PARVA: variants seen among roughly 807,000 people sequenced by gnomAD.
PARVA encodes parvin alpha, also known as alpha-parvin.
PARVA carries 25 observed loss-of-function variants against 52.6 expected under a neutral mutation model. The ratio of observed to expected loss-of-function variants is 0.48; its 90% confidence interval spans 0.35 to 0.66. PARVA has a LOEUF of 0.66. Among genes scored for constraint, PARVA ranks in the 30% least tolerant of loss-of-function variants. The probability of loss-of-function intolerance (pLI) is 0.01; values close to 1 mark genes in which losing one functional copy is unlikely to be tolerated. For missense variants in PARVA, 373 were observed against 450.9 expected, an observed-to-expected ratio of 0.83 and a Z score of 1.56; for synonymous variants, 185 against 179.1, an observed-to-expected ratio of 1.03 and a Z score of -0.26.
chr11:12,488,917 A>G (rs1941196641), intron 4 of PARVA, among the ~76,000 whole-genome samples: 1 of 152,224 alleles, frequency 6.6e-6, no homozygotes, highest in Admixed American at 6.5e-5. Context: ...ATTCCAAGGA[A>G]TATGACCTCA....
intron 1 of PARVA, among the ~76,000 whole-genome samples, chr11:12,380,038 G>A (rs986565499): frequency 6.6e-6 from 1 of 152,092 alleles, no homozygotes; most frequent in Admixed American, 6.5e-5. Flanking sequence ...AGTCTGGGGT[G>A]GCCTTTTATT....
intron 1 of PARVA, among the ~76,000 whole-genome samples, chr11:12,462,818 A>T (rs1940801293): frequency 6.6e-6 from 1 of 152,154 alleles, no homozygotes. Flanking sequence ...CTAAGTTAGG[A>T]GGAAGCTCTG....
chr11:12,388,515 C>T (rs1939611459), intron 1 of PARVA, among the ~76,000 whole-genome samples: 1 of 152,132 alleles, frequency 6.6e-6, no homozygotes, highest in Non-Finnish European at 1.5e-5. Context: ...GAAGAATGAA[C>T]CAAATCACTT....
intron 1 of PARVA, among the ~76,000 whole-genome samples, chr11:12,401,089 G>A (rs940257729): frequency 2.6e-5 from 4 of 152,168 alleles, no homozygotes; most frequent in African/African-American, 7.2e-5. Flanking sequence ...GTGCCACTGC[G>A]GCATGTAGTG....
chr11:12,438,275 A>G (rs1940416657), intron 1 of PARVA, among the ~76,000 whole-genome samples: 1 of 151,884 alleles, frequency 6.6e-6, no homozygotes, highest in Admixed American at 6.6e-5. Flanking sequence ...AAAAAAAAAA[A>G]AGAATACCAT....
At chr11:12,475,192 A>G (rs1050946913) in intron 3 of PARVA, among the ~76,000 whole-genome samples, 3 of 152,184 alleles carry the variant, frequency 2.0e-5, no homozygotes, top group Non-Finnish European at 4.4e-5. Flanking sequence ...GCGTGCTCCC[A>G]GCGCTCCCCA....
At chr11:12,446,084 A>T (rs546176783) in intron 1 of PARVA, among the ~76,000 whole-genome samples, 22 of 152,316 alleles carry the variant, frequency 1.4e-4, no homozygotes, top group Admixed American at 2.6e-4. Context: ...AAATCAACAA[A>T]ACAAAAAGGT....
intron 1 of PARVA, among the ~76,000 whole-genome samples, chr11:12,445,341 T>TG (rs1940529855): frequency 6.6e-6 from 1 of 152,084 alleles, no homozygotes; most frequent in African/African-American, 2.4e-5. Flanking sequence ...GAAAGTGGTG[T>TG]GGGGAGGGCC....
In PARVA at chr11:12,496,788, A is replaced by G. The variant is rs559598342; in HGVS notation, c.541+190A>G. 6.6e-5 allele frequency among the ~76,000 whole-genome samples: 10 copies of G among 152,340 alleles called. No individual in the cohort carries two copies. The South Asian group carries it at 2.1e-3, about 32-fold the overall frequency. On this transcript the variant is annotated intron_variant, in intron 5 of 12. Coordinates refer to ENST00000334956, the MANE Select transcript of PARVA (RefSeq NM_018222.5). ...CCATCCATACCCTTGGGGAAAAATA[A>G]CAGAATGTCAAAATCTCACGTTCCT...
intron 1 of PARVA, among the ~76,000 whole-genome samples, chr11:12,398,556 A>G (rs2134962482): frequency 6.7e-6 from 1 of 149,692 alleles, no homozygotes; most frequent in East Asian, 2.1e-4. Context: ...TTCACAGTCT[A>G]GCCTCTAGGG....
At chr11:12,391,285 G>T (rs1478034390) in intron 1 of PARVA, among the ~76,000 whole-genome samples, 2 of 152,180 alleles carry the variant, frequency 1.3e-5, no homozygotes, top group East Asian at 3.9e-4. Context: ...GTTCGGAATT[G>T]CTTAAATTGG....
intron 12 of PARVA, among the ~76,000 whole-genome samples, chr11:12,523,244 T>C (rs990439175): frequency 2.6e-5 from 4 of 151,950 alleles, no homozygotes; most frequent in African/African-American, 9.7e-5. Context: ...AGAGAGCAGG[T>C]AGAGATGCGA....
At chr11:12,376,698 C>G (rs547559720), upstream of PARVA, 14 of 982,542 alleles carry the variant, frequency 1.4e-5, no homozygotes, top group East Asian at 1.4e-3. Flanking sequence ...GAGAGACAGA[C>G]AGAAGGACAA....
At position 12,416,101 on chromosome 11, in the gene PARVA, G is replaced by A. The variant is rs544430344; in HGVS notation, c.136+38318G>A. On this transcript the variant is annotated intron_variant, in intron 1 of 12. Transcript: ENST00000334956. ...GAGGTTGAAAGTGGAATGATTGAGG[G>A]GGAATTTTCCCCCTTGGTGAAACTG... Among the ~76,000 whole-genome samples the A allele has an allele frequency of 7.9e-4, 121 of 152,272 alleles. 1 individual carries two copies. The highest frequency in any genetic ancestry group is 1.5e-3 in the Non-Finnish European group (105 of 68,018).
chr11:12,454,067 T>TG (rs1364489462), intron 1 of PARVA, among the ~76,000 whole-genome samples: 3 of 152,086 alleles, frequency 2.0e-5, no homozygotes, highest in Admixed American at 6.5e-5. Flanking sequence ...GACAGTAACT[T>TG]GGGGGGAAAA....
intron 4 of PARVA, among the ~76,000 whole-genome samples, chr11:12,490,522 A>C (rs1941222085): frequency 7.4e-6 from 1 of 134,746 alleles, no homozygotes; most frequent in African/African-American, 2.5e-5. Flanking sequence ...GTCTCAAAAA[A>C]AAAAAAAGAG....
At chr11:12,489,023 T>C (rs998863828) in intron 4 of PARVA, among the ~76,000 whole-genome samples, 11 of 152,108 alleles carry the variant, frequency 7.2e-5, no homozygotes, top group African/African-American at 2.7e-4. Context: ...ACTATAAATA[T>C]TAGAAACTGT....
chr11:12,474,811 C>T (rs1033577988), intron 3 of PARVA, among the ~76,000 whole-genome samples: 2 of 150,912 alleles, frequency 1.3e-5, no homozygotes, highest in African/African-American at 4.9e-5. Flanking sequence ...ACTAAAAATA[C>T]AAAAAGTAGC....
At chr11:12,482,156 CAAAAAAA>C (rs60933434) in intron 4 of PARVA, among the ~76,000 whole-genome samples, 1 of 60,656 alleles carries the variant, frequency 1.6e-5, no homozygotes, top group Non-Finnish European at 3.8e-5. Context: ...AACCCTGTCT[CAAAAAAA>C]AAAAAAAAAG....
Sources: allele counts gnomAD v4.1 joint callset (sites outside exome capture counted in the v4.1 genomes callset), GRCh38; gene constraint gnomAD v4.1.1; transcripts MANE v1.5; gene names NCBI Gene and HGNC (gene_info 2026-07-23, HGNC 2026-07-21).